LPGAT1: variants seen among roughly 807,000 people sequenced by gnomAD.
LPGAT1 encodes the protein lysophosphatidylglycerol acyltransferase 1.
In LPGAT1, 11 loss-of-function variants were observed where a neutral mutation model predicts 47.5. That is an observed-to-expected ratio of 0.23 (90% CI 0.15 to 0.38). The LOEUF is 0.38. Ranked by LOEUF, LPGAT1 falls within the 10% of genes least tolerant of loss-of-function variation. The pLI is 1.00. For missense variants in LPGAT1, 293 were observed against 439.0 expected, an observed-to-expected ratio of 0.67 and a Z score of 2.97; for synonymous variants, 138 against 144.2, an observed-to-expected ratio of 0.96 and a Z score of 0.31.
At chr1:211,763,243 G>T (rs1657775253) in intron 6 of LPGAT1, among the ~76,000 whole-genome samples, 1 of 152,194 alleles carries the variant, frequency 6.6e-6, no homozygotes. Context: ...CCTTTAAAAG[G>T]TGATTTGGTC....
At chr1:211,777,649 G>C (rs1658459397) in intron 6 of LPGAT1, among the ~76,000 whole-genome samples, 2 of 152,144 alleles carry the variant, frequency 1.3e-5, no homozygotes, top group Admixed American at 6.5e-5. Flanking sequence ...AAATTTAAAA[G>C]TGTAAGTCAT....
At chr1:211,762,435 G>A (rs1337483287) in intron 6 of LPGAT1, among the ~76,000 whole-genome samples, 2 of 152,096 alleles carry the variant, frequency 1.3e-5, no homozygotes, top group African/African-American at 4.8e-5. Flanking sequence ...CAGCCAGGAG[G>A]GCAGAACAAA....
rs2102538370 is a variant in LPGAT1, at chr1:211,783,240, G to C, written c.716C>G (p.Ala239Gly). 1.2e-6 allele frequency: 2 copies of C among 1,610,124 alleles called. No individual in the cohort carries two copies. The highest frequency in any genetic ancestry group is 8.5e-7 in the Non-Finnish European group (1 of 1,176,884). ...QKNGSPAGGD[A>G]KELDSKSKGL... ...AAAAACCATCATACCTAATTCTTTA[G>C]CATCTCCTCCTGCTGGACTTCCATT... is the stretch of plus-strand genomic sequence containing the variant. Residue 239 changes from alanine (A) to glycine (G), a missense_variant, in exon 5 of 8, where the codon GCT (alanine) becomes GGT (glycine). Physicochemically the swap from Ala to Gly is moderately conservative, Grantham distance 60. Transcript: ENST00000366997.
At position 211,787,489 on chromosome 1, in the gene LPGAT1, C is replaced by CAA. The variant is rs374026763; in HGVS notation, c.453+141_453+142dup. ...GGCGACAGAGCGAGACTCTGTCTCT[C>CAA]AAAAAAAAAAAAAAAAAAAAGCTCC... On this transcript the variant is annotated intron_variant, in intron 4 of 7. Coordinates refer to ENST00000366997, the MANE Select transcript of LPGAT1 (RefSeq NM_014873.3). 1,196 of 189,898 alleles carry CAA rather than the reference C, an allele frequency of 6.3e-3. 14 individuals carry two copies. Among genetic ancestry groups the CAA allele is most frequent in the African/African-American group, 0.034 (643 of 18,830 alleles). 11.8% of individuals were successfully genotyped at this position (189,898 alleles called of 1,614,324 possible).
chr1:211,743,843 C>G lies in LPGAT1; in HGVS notation c.*6056G>C, dbSNP rs750099903. The stretch of plus-strand genomic sequence containing the variant: ...AAATAAGAGGTAGACACGACTGTAA[C>G]GATTTAACTCATTTGGTAGACTGTG... On this transcript the variant is annotated 3_prime_UTR_variant, in exon 8 of 8. Coordinates refer to ENST00000366997, the MANE Select transcript of LPGAT1 (RefSeq NM_014873.3). The G allele has an allele frequency of 9.9e-5, 15 of 152,096 alleles. No homozygotes were observed. Among genetic ancestry groups the G allele is most frequent in the Non-Finnish European group, 1.9e-4 (13 of 68,020 alleles). 9.4% of individuals were successfully genotyped at this position (152,096 alleles called of 1,614,324 possible).
intron 6 of LPGAT1, among the ~76,000 whole-genome samples, chr1:211,772,588 A>G (rs1430095047): frequency 6.6e-6 from 1 of 152,154 alleles, no homozygotes; most frequent in Admixed American, 6.5e-5. Context: ...CAGGTCTTTC[A>G]TGTTTTTACA....
chr1:211,764,547 A>G (rs774374225), intron 6 of LPGAT1, among the ~76,000 whole-genome samples: 5 of 152,228 alleles, frequency 3.3e-5, no homozygotes, highest in Admixed American at 6.5e-5. Context: ...ACGTATCAGA[A>G]TATCTCCCAG....
chr1:211,779,127 T>C, intron 5 of LPGAT1, 83 bp from the exon 6 acceptor site: 1 of 1,155,726 alleles, frequency 8.7e-7, no homozygotes, highest in South Asian at 1.8e-5. Flanking sequence ...TTGACCAGTG[T>C]AAGATATATC....
chr1:211,797,226 A>G (rs145253688), intron 2 of LPGAT1, among the ~76,000 whole-genome samples: 3 of 152,238 alleles, frequency 2.0e-5, no homozygotes, highest in African/African-American at 7.2e-5. Flanking sequence ...ACTGCACTCC[A>G]GCCTAGGTGA....
intron 2 of LPGAT1, among the ~76,000 whole-genome samples, chr1:211,795,325 T>C (rs1373363991): frequency 1.3e-5 from 2 of 152,166 alleles, no homozygotes; most frequent in Non-Finnish European, 2.9e-5. Flanking sequence ...AAGCAAAGTG[T>C]AGAATAGGAT....
chr1:211,758,389 T>C (rs1224631575), intron 6 of LPGAT1, among the ~76,000 whole-genome samples: 1 of 152,186 alleles, frequency 6.6e-6, no homozygotes, highest in East Asian at 1.9e-4. Context: ...ATTTTTCTTG[T>C]CATATTGCTC....
At chr1:211,809,332 T>C (rs542249371) in intron 2 of LPGAT1, among the ~76,000 whole-genome samples, 1 of 152,326 alleles carries the variant, frequency 6.6e-6, no homozygotes, top group African/African-American at 2.4e-5. Context: ...TGCTCAAAGG[T>C]TTCTTGTCTC....
At chr1:211,750,869 G>A (rs987533302) in intron 7 of LPGAT1, 92 bp downstream of exon 7, 39 of 911,460 alleles carry the variant, frequency 4.3e-5, no homozygotes, top group Non-Finnish European at 6.5e-5. Context: ...GCATTTTCAA[G>A]TTTCAAGATC....
intron 2 of LPGAT1, among the ~76,000 whole-genome samples, chr1:211,826,657 T>C (rs945918147): frequency 2.3e-4 from 21 of 91,052 alleles, no homozygotes; most frequent in Non-Finnish European, 4.0e-4. Flanking sequence ...ATGTCATAAT[T>C]TGGAAAAAGA....
In LPGAT1 at chr1:211,749,318, G is replaced by A. The variant is rs1456040339; in HGVS notation, c.*581C>T. On this transcript the variant is annotated 3_prime_UTR_variant, in exon 8 of 8. Transcript: ENST00000366997. The stretch of plus-strand genomic sequence containing the variant: ...CATCCAGTACCAGAAGGGGTCCAGT[G>A]GACACTGCTTTTCCCCCACAGAGAA... 10 of 155,174 alleles carry A rather than the reference G, an allele frequency of 6.4e-5. No homozygotes were observed. Among genetic ancestry groups the A allele is most frequent in the Admixed American group, 2.6e-4 (4 of 15,340 alleles). The allele number at this position is 155,174 out of a possible 1,614,324, so 9.6% of individuals were successfully genotyped here. A position where few individuals can be genotyped will look rare whatever the true frequency, so the allele number is the denominator to read the frequency against.
intron 4 of LPGAT1, among the ~76,000 whole-genome samples, chr1:211,786,519 C>G (rs1297224307): frequency 6.6e-6 from 1 of 152,202 alleles, no homozygotes; most frequent in Non-Finnish European, 1.5e-5. Flanking sequence ...GCATATAATA[C>G]TAGTAACAAG....
At chr1:211,789,453 A>G (rs991111431) in intron 3 of LPGAT1, among the ~76,000 whole-genome samples, 59 of 152,210 alleles carry the variant, frequency 3.9e-4, no homozygotes, top group Admixed American at 1.3e-3. Flanking sequence ...CTCTGTTCCA[A>G]CTTATTTTAG....
intron 6 of LPGAT1, among the ~76,000 whole-genome samples, chr1:211,757,390 T>C (rs958696341): frequency 2.6e-5 from 4 of 152,234 alleles, no homozygotes; most frequent in Non-Finnish European, 4.4e-5. Flanking sequence ...GGGCTAATCA[T>C]ATTACTTACC....
At chr1:211,825,253 A>G (rs1250996574) in intron 2 of LPGAT1, among the ~76,000 whole-genome samples, 1 of 119,718 alleles carries the variant, frequency 8.4e-6, no homozygotes, top group Non-Finnish European at 1.6e-5. Flanking sequence ...GTGCAGTGGC[A>G]TGATCACAGC....
Sources: gnomAD v4.1 joint callset for allele counts (sites outside exome capture counted in the v4.1 genomes callset) on GRCh38, gnomAD v4.1.1 for gene constraint, MANE v1.5 for transcripts, NCBI Gene and HGNC (gene_info 2026-07-23, HGNC 2026-07-21) for gene names.